ASPH: variants seen among roughly 807,000 people sequenced by gnomAD.
ASPH encodes aspartyl/asparaginyl beta-hydroxylase.
ASPH carries 100 observed loss-of-function variants against 118.4 expected under a neutral mutation model. That is an observed-to-expected ratio of 0.84 (90% CI 0.72 to 1.00). ASPH has a LOEUF of 1.00. Among genes scored for constraint, ASPH ranks in the 50% least tolerant of loss-of-function variants. The pLI, the probability that ASPH is intolerant of heterozygous loss-of-function variation, is 0.00. For synonymous variants in ASPH, 315 were observed against 325.6 expected (o/e 0.97, Z 0.35); for missense variants, 920 against 919.5 (o/e 1.00, Z -0.01).
intron 24 of ASPH, among the ~76,000 whole-genome samples, chr8:61,512,124 A>G (rs1291030837): frequency 6.6e-6 from 1 of 152,192 alleles, no homozygotes; most frequent in African/African-American, 2.4e-5. Flanking sequence ...CTAGAACACA[A>G]ACTTTCAAGC....
chr8:61,652,270 T>C (rs992678870), intron 4 of ASPH, among the ~76,000 whole-genome samples: 1 of 152,234 alleles, frequency 6.6e-6, no homozygotes, highest in Non-Finnish European at 1.5e-5. Context: ...TCTGAGTTAC[T>C]AGAAGTGGAG....
At position 61,682,399 on chromosome 8, in the gene ASPH, G is replaced by T. The variant is rs377111599; in HGVS notation, c.254-1363C>A. 2.5e-6 allele frequency: 4 copies of T among 1,581,364 alleles called. No individual in the cohort carries two copies. In the Admixed American group the frequency reaches 5.0e-5, roughly 20 times the overall value. ...TAGAAAAAGGATGAGCCATTAGAGAGTAACACACGTAGACTTGAAATGCAA... is the reference window on the plus strand; with the variant it reads ...TAGAAAAAGGATGAGCCATTAGAGATTAACACACGTAGACTTGAAATGCAA... On this transcript the variant is annotated intron_variant, in intron 2 of 24. Transcript: ENST00000379454.
In ASPH at chr8:61,643,987, T is replaced by G. The variant is rs1358083484; in HGVS notation, c.667A>C (p.Asn223His). The G allele has an allele frequency of 2.5e-6, 4 of 1,610,170 alleles. No homozygotes were observed. Among genetic ancestry groups the G allele is most frequent in the Non-Finnish European group, 3.4e-6 (4 of 1,176,980 alleles). ...GACATCATCTCTTCCATATCCTGAT[T>G]ACAGTCTTGTGAAACTATAAATTAT... Reference protein sequence around the residue: ...HVEETVSQDCNQDMEEMMSEQ... With the variant: ...HVEETVSQDCHQDMEEMMSEQ... Residue 223 changes from asparagine to histidine, a missense_variant, in exon 8 of 25, where the codon AAT (asparagine) becomes CAT (histidine). Coordinates refer to ENST00000379454, the MANE Select transcript of ASPH (RefSeq NM_004318.4).
At chr8:61,566,965 C>T (rs1482723344) in intron 17 of ASPH, among the ~76,000 whole-genome samples, 2 of 152,164 alleles carry the variant, frequency 1.3e-5, no homozygotes, top group African/African-American at 2.4e-5. Flanking sequence ...CCCACAGTAT[C>T]TGTGAGGCAT....
At chr8:61,574,242 T>G (rs1164562969) in intron 16 of ASPH, among the ~76,000 whole-genome samples, 1 of 152,194 alleles carries the variant, frequency 6.6e-6, no homozygotes, top group Non-Finnish European at 1.5e-5. Context: ...GCTTTTACAT[T>G]GTTGGTGGGA....
intron 14 of ASPH, among the ~76,000 whole-genome samples, chr8:61,598,656 T>C (rs962797395): frequency 6.6e-6 from 1 of 152,206 alleles, no homozygotes; most frequent in Non-Finnish European, 1.5e-5. Flanking sequence ...AACAGACATT[T>C]ACAGAGCATC....
chr8:61,535,995 TG>T (rs1462994397), intron 21 of ASPH, among the ~76,000 whole-genome samples: 1 of 152,110 alleles, frequency 6.6e-6, no homozygotes, highest in East Asian at 1.9e-4. Flanking sequence ...TAGATCTCCT[TG>T]TTTTTCAAGT....
At chr8:61,690,659 G>C (rs1832353977) in intron 1 of ASPH, among the ~76,000 whole-genome samples, 1 of 152,108 alleles carries the variant, frequency 6.6e-6, no homozygotes. Context: ...AGTATCTAGA[G>C]CAGGCAGCAA....
intron 12 of ASPH, among the ~76,000 whole-genome samples, chr8:61,637,471 C>A (rs895377221): frequency 2.6e-5 from 4 of 152,154 alleles, no homozygotes; most frequent in African/African-American, 9.7e-5. Context: ...TATTGAAGCG[C>A]CACTGTTTAA....
intron 24 of ASPH, among the ~76,000 whole-genome samples, chr8:61,515,401 TTCC>T (rs1810516149): frequency 6.6e-6 from 1 of 152,188 alleles, no homozygotes; most frequent in African/African-American, 2.4e-5. Flanking sequence ...TGATCCCTGA[TTCC>T]TCCTCCTGGT....
chr8:61,666,536 T>C (rs1271743231), intron 3 of ASPH, among the ~76,000 whole-genome samples: 1 of 152,228 alleles, frequency 6.6e-6, no homozygotes, highest in Non-Finnish European at 1.5e-5. Flanking sequence ...ATGTGAAAGA[T>C]GTTTTTGCCC....
At chr8:61,631,335 C>A (rs1047747845) in intron 13 of ASPH, among the ~76,000 whole-genome samples, 1 of 152,160 alleles carries the variant, frequency 6.6e-6, no homozygotes, top group African/African-American at 2.4e-5. Flanking sequence ...AGAGCAAATT[C>A]CAGTGCTGTA....
chr8:61,657,501 T>C (rs1814346916), intron 3 of ASPH: 1 of 152,188 alleles, frequency 6.6e-6, no homozygotes, highest in South Asian at 2.1e-4. Context: ...TAACACAAAG[T>C]GTTTGTGTAT....
intron 11 of ASPH, 83 bp downstream of exon 11, chr8:61,638,239 C>T: frequency 6.7e-7 from 1 of 1,496,958 alleles, no homozygotes; most frequent in East Asian, 2.3e-5. Context: ...TCTACACTGA[C>T]TCTTTGTTCC....
chr8:61,502,358 T>A lies in ASPH; in HGVS notation c.*1001A>T, dbSNP rs1203829836. On this transcript the variant is annotated 3_prime_UTR_variant, in exon 25 of 25. Coordinates refer to ENST00000379454, the MANE Select transcript of ASPH (RefSeq NM_004318.4). The stretch of plus-strand genomic sequence containing the variant: ...TCTTTCTACAGAATTGTAGCAGAAA[T>A]CATCTCCAAGACTGAAGAGCTGGCT... 1.3e-4 allele frequency: 20 copies of A among 152,164 alleles called. No homozygotes were observed. 9.4% of individuals were successfully genotyped at this position (152,164 alleles called of 1,614,324 possible).
At chr8:61,586,332 A>C (rs1365405635) in intron 14 of ASPH, among the ~76,000 whole-genome samples, 1 of 152,226 alleles carries the variant, frequency 6.6e-6, no homozygotes, top group Admixed American at 6.5e-5. Flanking sequence ...GAAAATTATA[A>C]ATCCAAGCAC....
intron 14 of ASPH, among the ~76,000 whole-genome samples, chr8:61,608,031 G>T (rs1393784266): frequency 6.6e-6 from 1 of 152,180 alleles, no homozygotes; most frequent in Non-Finnish European, 1.5e-5. Context: ...TAGGCCAGAG[G>T]CAGTTGCTGT....
chr8:61,559,227 T>C (rs1018935412), intron 18 of ASPH, among the ~76,000 whole-genome samples: 9 of 152,206 alleles, frequency 5.9e-5, no homozygotes, highest in Non-Finnish European at 1.2e-4. Flanking sequence ...TTCTTTTCTC[T>C]AGCTTACTTC....
chr8:61,680,223 A>G (rs140350326), intron 3 of ASPH, among the ~76,000 whole-genome samples: 126 of 151,910 alleles, frequency 8.3e-4, no homozygotes, highest in African/African-American at 2.9e-3. Context: ...TTATTTTTCT[A>G]AAGACTCTTA....
Sources: allele counts gnomAD v4.1 joint callset (sites outside exome capture counted in the v4.1 genomes callset), GRCh38; gene constraint gnomAD v4.1.1; transcripts MANE v1.5; gene names NCBI Gene and HGNC (gene_info 2026-07-23, HGNC 2026-07-21).